GALNT18: variants seen among roughly 807,000 people sequenced by gnomAD.
The protein encoded by GALNT18 is GalNAc-transferase 18.
A neutral mutation model predicts 69.5 loss-of-function variants in GALNT18; 44 were observed. The observed-to-expected ratio is 0.63, with a 90% CI of 0.50 to 0.81. The LOEUF (loss-of-function observed/expected upper bound fraction) is 0.81. Among genes scored for constraint, GALNT18 ranks in the 40% least tolerant of loss-of-function variants. The probability of loss-of-function intolerance (pLI) is 0.00; values close to 1 mark genes in which losing one functional copy is unlikely to be tolerated. For synonymous variants in GALNT18, 364 were observed against 318.2 expected (o/e 1.14, Z -1.53); for missense variants, 715 against 810.0 (o/e 0.88, Z 1.42).
intron 6 of GALNT18, among the ~76,000 whole-genome samples, chr11:11,343,721 G>A (rs982896836): frequency 6.6e-6 from 1 of 152,166 alleles, no homozygotes; most frequent in Non-Finnish European, 1.5e-5. Context: ...CTGGAACAGT[G>A]GCTATTGCTT....
chr11:11,516,518 CT>C (rs1405542106), intron 1 of GALNT18, among the ~76,000 whole-genome samples: 1 of 152,312 alleles, frequency 6.6e-6, no homozygotes, highest in Admixed American at 6.5e-5. Flanking sequence ...GTAGTCCCAG[CT>C]ACTCAGGAGG....
chr11:11,336,594 A>G (rs1590044976), intron 7 of GALNT18, among the ~76,000 whole-genome samples: 1 of 152,222 alleles, frequency 6.6e-6, no homozygotes, highest in Non-Finnish European at 1.5e-5. Context: ...GATGCTGTAG[A>G]CCAAAGGTTA....
intron 10 of GALNT18, among the ~76,000 whole-genome samples, chr11:11,286,071 C>A (rs1849186877): frequency 6.6e-6 from 1 of 152,148 alleles, no homozygotes; most frequent in Admixed American, 6.5e-5. Context: ...GAGAATGAAG[C>A]AAGCACAGGG....
intron 1 of GALNT18, among the ~76,000 whole-genome samples, chr11:11,484,405 C>T (rs927227846): frequency 3.9e-5 from 6 of 151,924 alleles, no homozygotes; most frequent in Non-Finnish European, 7.4e-5. Context: ...CCAGCCTGAC[C>T]AACATGGAGA....
At chr11:11,403,461 C>T (rs1290397474) in intron 3 of GALNT18, among the ~76,000 whole-genome samples, 1 of 152,248 alleles carries the variant, frequency 6.6e-6, no homozygotes, top group South Asian at 2.1e-4. Context: ...ATTTGGGGAG[C>T]TGCTTTGGGC....
chr11:11,371,183 A>T (rs1044091359), intron 6 of GALNT18, among the ~76,000 whole-genome samples: 3 of 152,236 alleles, frequency 2.0e-5, no homozygotes, highest in African/African-American at 7.2e-5. Flanking sequence ...CCCTAGCATT[A>T]AGTCTGGGTG....
In GALNT18 at chr11:11,496,610, G is replaced by A. The variant is rs1564979017; in HGVS notation, c.236-47674C>T. 6.6e-6 allele frequency among the ~76,000 whole-genome samples: 1 copy of A among 152,124 alleles called. No homozygotes were observed. The highest frequency in any genetic ancestry group is 2.4e-5 in the African/African-American group (1 of 41,438). On this transcript the variant is annotated intron_variant, in intron 1 of 10. Transcript: ENST00000227756. This position sits in a 1 kb window ranked among gnomAD's most constrained non-coding sequence, Gnocchi z 4.0. ...AACATCACAGAGAAGTAGATGAAGGGCTACCACACAGAGGGTGGGAAGAAG... is the reference window on the plus strand; with the variant it reads ...AACATCACAGAGAAGTAGATGAAGGACTACCACACAGAGGGTGGGAAGAAG...
At position 11,316,362 on chromosome 11, in the gene GALNT18, A is replaced by G. The variant is rs149070512; in HGVS notation, c.1512+10724T>C. Among the ~76,000 whole-genome samples the G allele has an allele frequency of 2.2e-4, 34 of 152,302 alleles. No homozygotes were observed. In the East Asian group the frequency reaches 4.8e-3, roughly 22 times the overall value. On this transcript the variant is annotated intron_variant, in intron 9 of 10. Transcript: ENST00000227756. ...TTTAAATTCTTGGCACACAAAGGAA[A>G]ACTTCTGCAATTGTCTCTGAGATGT...
At chr11:11,285,941 G>A (rs969420336) in intron 10 of GALNT18, among the ~76,000 whole-genome samples, 7 of 152,298 alleles carry the variant, frequency 4.6e-5, no homozygotes, top group Non-Finnish European at 1.0e-4. Flanking sequence ...TTGGCTAGGG[G>A]CTCAGTCTCT....
intron 3 of GALNT18, among the ~76,000 whole-genome samples, chr11:11,392,597 C>T (rs73419800): frequency 0.12 from 17,761 of 152,032 alleles, 1,152 homozygotes; most frequent in Middle Eastern, 0.27. Flanking sequence ...CTAGCCTGGG[C>T]GACAAAAGCG....
In GALNT18 at chr11:11,379,380, C is replaced by T. The variant is rs150066332; in HGVS notation, c.596-116G>A. On this transcript the variant is annotated intron_variant, in intron 3 of 10. Transcript: ENST00000227756. ...CAGAGAAAGGCTGGGGGACCCATTC[C>T]CCTCCCTGGGTCTTCTTCAGTGGTC... 593 of 1,010,378 alleles carry T rather than the reference C, an allele frequency of 5.9e-4. 3 individuals carry two copies. In the African/African-American group the frequency reaches 8.8e-3, roughly 15 times the overall value. The allele number at this position is 1,010,378 out of a possible 1,614,324, so 62.6% of individuals were successfully genotyped here. A position where few individuals can be genotyped will look rare whatever the true frequency, so the allele number is the denominator to read the frequency against.
chr11:11,300,312 C>T (rs554915468), intron 9 of GALNT18, among the ~76,000 whole-genome samples: 129 of 152,240 alleles, frequency 8.5e-4, no homozygotes, highest in Middle Eastern at 3.4e-3. Flanking sequence ...TCGTCTTTGG[C>T]TGAAACTGTC....
At chr11:11,381,910 A>T in intron 3 of GALNT18, among the ~76,000 whole-genome samples, 1 of 152,270 alleles carries the variant, frequency 6.6e-6, no homozygotes, top group East Asian at 1.9e-4. Flanking sequence ...GGTTTGTTAT[A>T]CACAATGGCT....
intron 10 of GALNT18, among the ~76,000 whole-genome samples, chr11:11,284,231 G>T (rs1380668473): frequency 6.6e-6 from 1 of 152,236 alleles, no homozygotes; most frequent in Non-Finnish European, 1.5e-5. Context: ...ACACAGCCAA[G>T]CATCTTTCTG....
At chr11:11,276,809 A>G (rs1195937431) in intron 10 of GALNT18, among the ~76,000 whole-genome samples, 2 of 152,186 alleles carry the variant, frequency 1.3e-5, no homozygotes, top group African/African-American at 4.8e-5. Context: ...GTGATGGATT[A>G]TGTTGCTTGA....
intron 4 of GALNT18, among the ~76,000 whole-genome samples, chr11:11,378,749 C>T (rs189254105): frequency 2.9e-4 from 44 of 152,258 alleles, no homozygotes; most frequent in Admixed American, 2.6e-3. Context: ...TGTGGGAACC[C>T]TGTCCTTAGC....
Position 11,573,103 on chromosome 11 carries a change from T to G in GALNT18, c.235+48256A>C, listed in dbSNP as rs118158284. Among the ~76,000 whole-genome samples, 253 of 152,040 alleles carry G rather than the reference T, an allele frequency of 1.7e-3. 2 individuals carry two copies. The East Asian group carries it at 0.021, about 12-fold the overall frequency. Reference sequence around the variant, plus strand: ...AAAGTAACCCAGGGCCAGCAAGGAGTGGACACTGGGTCTGAATTCACATTG... The same window carrying G: ...AAAGTAACCCAGGGCCAGCAAGGAGGGGACACTGGGTCTGAATTCACATTG... On this transcript the variant is annotated intron_variant, in intron 1 of 10. Transcript: ENST00000227756. This position sits in a 1 kb window ranked among gnomAD's most constrained non-coding sequence, Gnocchi z 4.6.
chr11:11,408,544 C>T (rs1348890960), intron 3 of GALNT18, among the ~76,000 whole-genome samples: 23 of 151,994 alleles, frequency 1.5e-4, no homozygotes, highest in Admixed American at 1.3e-3. Flanking sequence ...CAAGAGTCGC[C>T]GTCTCTTTGG....
At chr11:11,429,824 A>C (rs764987649) in intron 3 of GALNT18, among the ~76,000 whole-genome samples, 18 of 152,174 alleles carry the variant, frequency 1.2e-4, no homozygotes, top group Non-Finnish European at 2.1e-4. Context: ...AAGCTTCTCT[A>C]ACAGAGCTGT....
Sources: allele counts gnomAD v4.1 joint callset (sites outside exome capture counted in the v4.1 genomes callset), GRCh38; gene constraint gnomAD v4.1.1; non-coding constraint Gnocchi (gnomAD v3.1); transcripts MANE v1.5; gene names NCBI Gene and HGNC (gene_info 2026-07-23, HGNC 2026-07-21).